PTPRT: variants seen among roughly 807,000 people sequenced by gnomAD.
PTPRT encodes the protein protein tyrosine phosphatase receptor type T.
Under a neutral mutation model 176.8 loss-of-function variants are expected in PTPRT, and 56 were observed. That is an observed-to-expected ratio of 0.32 (90% CI 0.26 to 0.40). The LOEUF (loss-of-function observed/expected upper bound fraction) is 0.40. Among genes scored for constraint, PTPRT ranks in the 10% least tolerant of loss-of-function variants. The probability of loss-of-function intolerance (pLI) is 1.00; values close to 1 mark genes in which losing one functional copy is unlikely to be tolerated. For synonymous variants in PTPRT, 783 were observed against 739.0 expected (o/e 1.06, Z -0.96); for missense variants, 1,540 against 1,908.2 (o/e 0.81, Z 3.60).
intron 6 of PTPRT, among the ~76,000 whole-genome samples, chr20:42,707,160 T>C (rs552445165): frequency 2.8e-4 from 42 of 152,282 alleles, no homozygotes; most frequent in African/African-American, 9.9e-4. Flanking sequence ...TAAATTTCTG[T>C]GTGTTGTTTT....
chr20:42,685,678 C>G (rs1029256724), intron 6 of PTPRT: 4 of 152,148 alleles, frequency 2.6e-5, no homozygotes, highest in African/African-American at 4.8e-5. Flanking sequence ...CTTAAAACAT[C>G]TAGATTTAAA....
chr20:42,095,760 T>G (rs1032033186), intron 27 of PTPRT, among the ~76,000 whole-genome samples: 3 of 152,226 alleles, frequency 2.0e-5, no homozygotes, highest in Non-Finnish European at 4.4e-5. Flanking sequence ...TTTTTTTTTA[T>G]GCCTCGCTTT....
intron 7 of PTPRT, among the ~76,000 whole-genome samples, chr20:42,594,756 C>A (rs982999875): frequency 2.0e-5 from 3 of 152,108 alleles, no homozygotes; most frequent in African/African-American, 7.2e-5. Flanking sequence ...AAATATTTAT[C>A]CACTCCCAGA....
chr20:42,105,263 G>T (rs1473653451), intron 24 of PTPRT, among the ~76,000 whole-genome samples: 1 of 152,218 alleles, frequency 6.6e-6, no homozygotes, highest in East Asian at 1.9e-4. Context: ...AGTAGCCTTT[G>T]TTTGTTTCCT....
rs78149579 is a variant in PTPRT at position 42,569,909 on chromosome 20, C to A, written c.1154-97347G>T. On this transcript the variant is annotated intron_variant, in intron 7 of 30. Coordinates refer to ENST00000373187, the MANE Select transcript of PTPRT (RefSeq NM_007050.6). ...TGTCACTGATATTTTGTGCTCGGTT[C>A]CTTACATAGCAATAGCTGACTATTG... Among the ~76,000 whole-genome samples, 203 of 152,198 alleles carry A rather than the reference C, an allele frequency of 1.3e-3. 1 individual carries two copies. Among genetic ancestry groups the A allele is most frequent in the African/African-American group, 3.8e-3 (157 of 41,514 alleles).
chr20:42,115,375 T>A (rs890992863), intron 21 of PTPRT, 60 bp from the exon 22 acceptor site: 1 of 1,263,378 alleles, frequency 7.9e-7, no homozygotes, highest in Admixed American at 1.7e-5. Flanking sequence ...CATAAGCACA[T>A]GGCTGAGTGT....
intron 1 of PTPRT, among the ~76,000 whole-genome samples, chr20:43,140,305 T>C (rs1320833916): frequency 6.6e-6 from 1 of 152,186 alleles, no homozygotes; most frequent in Non-Finnish European, 1.5e-5. Context: ...TCTAGCCTTT[T>C]GCAAGTATGA....
chr20:43,050,231 G>A (rs1986991109), intron 1 of PTPRT, among the ~76,000 whole-genome samples: 1 of 152,242 alleles, frequency 6.6e-6, no homozygotes. Flanking sequence ...GGAGAGACAA[G>A]AGCATGGGCA....
chr20:42,094,331 ACT>A (rs1235183073), intron 27 of PTPRT, among the ~76,000 whole-genome samples: 9 of 147,188 alleles, frequency 6.1e-5, no homozygotes, highest in Non-Finnish European at 6.0e-5. Context: ...ATGTTCCAGA[ACT>A]CTCTGTTTTA....
At chr20:43,000,087 G>T (rs1333734968) in intron 1 of PTPRT, among the ~76,000 whole-genome samples, 1 of 129,012 alleles carries the variant, frequency 7.8e-6, no homozygotes, top group Admixed American at 7.9e-5. Context: ...GGGAGGGAGG[G>T]AGGGAGGGAG....
At chr20:42,797,672 G>A (rs1159629113) in intron 2 of PTPRT, among the ~76,000 whole-genome samples, 2 of 152,128 alleles carry the variant, frequency 1.3e-5, no homozygotes, top group African/African-American at 4.8e-5. Flanking sequence ...GGTTCAGATG[G>A]AATTAAGGTT....
chr20:42,665,102 A>G (rs1444523997), intron 7 of PTPRT, among the ~76,000 whole-genome samples: 2 of 152,042 alleles, frequency 1.3e-5, no homozygotes, highest in African/African-American at 4.8e-5. Flanking sequence ...GACAAATGGG[A>G]TCTAATTAAA....
chr20:42,838,341 C>A (rs968505435), intron 2 of PTPRT, among the ~76,000 whole-genome samples: 1 of 152,188 alleles, frequency 6.6e-6, no homozygotes, highest in African/African-American at 2.4e-5. Flanking sequence ...TAAAATGAAA[C>A]CACAGATAAA....
At chr20:42,828,627 C>T (rs940082652) in intron 2 of PTPRT, among the ~76,000 whole-genome samples, 7 of 152,154 alleles carry the variant, frequency 4.6e-5, no homozygotes, top group South Asian at 2.1e-4. Context: ...CTAGGAACTT[C>T]GTGTCCTGAA....
At chr20:42,165,181 T>C (rs1989773942) in intron 16 of PTPRT, among the ~76,000 whole-genome samples, 1 of 152,100 alleles carries the variant, frequency 6.6e-6, no homozygotes, top group African/African-American at 2.4e-5. Flanking sequence ...TGCCCACCCT[T>C]ATCCCCTGCC....
At chr20:42,648,845 G>A (rs2074972638) in intron 7 of PTPRT, among the ~76,000 whole-genome samples, 1 of 95,562 alleles carries the variant, frequency 1.0e-5, no homozygotes, top group Non-Finnish European at 1.9e-5. Flanking sequence ...TTTTGACAGA[G>A]TCTGGCTCTG....
intron 22 of PTPRT, among the ~76,000 whole-genome samples, chr20:42,114,622 G>A (rs1000031765): frequency 2.0e-5 from 3 of 152,240 alleles, no homozygotes; most frequent in Non-Finnish European, 2.9e-5. Flanking sequence ...ATGTTTATAA[G>A]CATCTCTGGC....
At chr20:42,371,567 T>C (rs921292385) in intron 9 of PTPRT, among the ~76,000 whole-genome samples, 1 of 152,220 alleles carries the variant, frequency 6.6e-6, no homozygotes, top group Admixed American at 6.5e-5. Context: ...GCTCTGGTGA[T>C]TGTAGTATCC....
At chr20:42,879,772 T>C (rs573123535) in intron 2 of PTPRT, among the ~76,000 whole-genome samples, 20 of 152,100 alleles carry the variant, frequency 1.3e-4, no homozygotes, top group African/African-American at 3.6e-4. Flanking sequence ...TGTGTGTGTG[T>C]GCATGTGCAT....
Sources: allele counts gnomAD v4.1 joint callset (sites outside exome capture counted in the v4.1 genomes callset), GRCh38; gene constraint gnomAD v4.1.1; transcripts MANE v1.5; gene names NCBI Gene and HGNC (gene_info 2026-07-23, HGNC 2026-07-21).